The following TANC1 variants were observed in gnomAD, a reference collection of about 807,000 sequenced individuals.
TANC1 encodes the protein tetratricopeptide repeat, ankyrin repeat and coiled-coil containing 1, also known as protein TANC1.
Under a neutral mutation model 149.7 loss-of-function variants are expected in TANC1, and 77 were observed. The ratio of observed to expected loss-of-function variants is 0.51; its 90% CI spans 0.43 to 0.62. The LOEUF is 0.62. Among genes scored for constraint, TANC1 ranks in the 20% least tolerant of loss-of-function variants. The pLI is 0.00. For synonymous variants in TANC1, 854 were observed against 925.0 expected, an observed-to-expected ratio of 0.92 and a Z score of 1.39; for missense variants, 1,985 against 2,321.8, an observed-to-expected ratio of 0.85 and a Z score of 2.98.
chr2:159,032,518 G>T (rs1264858850), intron 2 of TANC1, among the ~76,000 whole-genome samples: 2 of 150,768 alleles, frequency 1.3e-5, no homozygotes, highest in Non-Finnish European at 3.0e-5. Flanking sequence ...CTTTTTTTTT[G>T]GCGTCCTTGC....
At chr2:158,991,623 G>A (rs575261217) in intron 1 of TANC1, among the ~76,000 whole-genome samples, 4 of 152,170 alleles carry the variant, frequency 2.6e-5, no homozygotes, top group Admixed American at 2.0e-4. Context: ...GCGTGGTGGC[G>A]GGGGCCTGTA....
At chr2:159,154,267 T>G (rs1316925317) in intron 7 of TANC1, among the ~76,000 whole-genome samples, 1 of 152,228 alleles carries the variant, frequency 6.6e-6, no homozygotes, top group African/African-American at 2.4e-5. Context: ...TCCTTTAAAA[T>G]TCCTGGACCT....
At chr2:159,222,953 T>C (rs2059794414) in intron 22 of TANC1, among the ~76,000 whole-genome samples, 1 of 152,244 alleles carries the variant, frequency 6.6e-6, no homozygotes, top group African/African-American at 2.4e-5. Context: ...TCACCCAGGC[T>C]GAAGTGCAGT....
chr2:159,053,312 T>G (rs539093294), intron 2 of TANC1, among the ~76,000 whole-genome samples: 1 of 152,112 alleles, frequency 6.6e-6, no homozygotes, highest in South Asian at 2.1e-4. Flanking sequence ...AAAGCTATTG[T>G]CCTTGCCCAT....
intron 2 of TANC1, among the ~76,000 whole-genome samples, chr2:159,059,930 G>GTGTGTGTGTGT (rs3058724): frequency 6.4e-5 from 8 of 125,152 alleles, no homozygotes; most frequent in Middle Eastern, 4.3e-3. Flanking sequence ...GTGTGTGTGT[G>GTGTGTGTGTGT]GTTTTTTGTT....
intron 3 of TANC1, among the ~76,000 whole-genome samples, chr2:159,080,840 C>T (rs2044198263): frequency 6.6e-6 from 1 of 152,224 alleles, no homozygotes; most frequent in Non-Finnish European, 1.5e-5. Context: ...CCTTCCGTGG[C>T]ACTGTGCCCT....
intron 1 of TANC1, among the ~76,000 whole-genome samples, chr2:158,987,263 T>C (rs1438595205): frequency 6.9e-6 from 1 of 145,888 alleles, no homozygotes; most frequent in Non-Finnish European, 1.5e-5. Flanking sequence ...TGGTGGCTCA[T>C]GCCTGTGATC....
chr2:159,011,142 T>G (rs1235794842), intron 2 of TANC1, among the ~76,000 whole-genome samples: 1 of 152,164 alleles, frequency 6.6e-6, no homozygotes, highest in Non-Finnish European at 1.5e-5. Flanking sequence ...CAGGGACAAG[T>G]TCATTTAAGT....
intron 1 of TANC1, among the ~76,000 whole-genome samples, chr2:158,996,807 G>A (rs911831425): frequency 2.6e-5 from 4 of 152,140 alleles, no homozygotes; most frequent in Non-Finnish European, 2.9e-5. Context: ...AAAACAATGC[G>A]TATACCAATA....
rs140815307 is a variant in TANC1, at chr2:159,007,439, C to T, written c.-16+6250C>T. Among the ~76,000 whole-genome samples the T allele has an allele frequency of 7.2e-3, 1,103 of 152,298 alleles. 15 individuals carry two copies. The highest frequency in any genetic ancestry group is 0.041 in the Middle Eastern group (12 of 294). On this transcript the variant is annotated intron_variant, in intron 2 of 26. Transcript: ENST00000263635. Reference sequence around the variant, plus strand: ...GGGATTGCAGGCATGAGCCACCGCACCTGGCCATATGCTGTGTTTTTACTG... The same window carrying T: ...GGGATTGCAGGCATGAGCCACCGCATCTGGCCATATGCTGTGTTTTTACTG...
intron 4 of TANC1, among the ~76,000 whole-genome samples, chr2:159,128,955 C>T (rs1169347155): frequency 6.6e-6 from 1 of 152,168 alleles, no homozygotes; most frequent in African/African-American, 2.4e-5. Context: ...TATTATCTTA[C>T]TCATCTCTTT....
chr2:159,087,189 T>C (rs1276589968), intron 3 of TANC1, among the ~76,000 whole-genome samples: 2 of 152,230 alleles, frequency 1.3e-5, no homozygotes, highest in Non-Finnish European at 2.9e-5. Context: ...AGAGGGGCAG[T>C]TGAGTGAAGT....
At chr2:159,113,187 G>A (rs766599851) in intron 4 of TANC1, among the ~76,000 whole-genome samples, 2 of 152,068 alleles carry the variant, frequency 1.3e-5, no homozygotes, top group Non-Finnish European at 2.9e-5. Context: ...TGAACTCCTG[G>A]ACTTGAGCAA....
At chr2:159,101,762 A>C (rs999576453) in intron 4 of TANC1, among the ~76,000 whole-genome samples, 1 of 152,198 alleles carries the variant, frequency 6.6e-6, no homozygotes, top group Admixed American at 6.5e-5. Flanking sequence ...TACTTTATAA[A>C]GTATCTGCAT....
chr2:159,075,416 C>A (rs11692128), intron 3 of TANC1, among the ~76,000 whole-genome samples: 121 of 143,956 alleles, frequency 8.4e-4, no homozygotes, highest in Middle Eastern at 3.5e-3. Flanking sequence ...AAAAAAAAAA[C>A]AAAAAAAAAA....
intron 3 of TANC1, among the ~76,000 whole-genome samples, chr2:159,093,716 T>C (rs2045788801): frequency 6.6e-6 from 1 of 152,032 alleles, no homozygotes; most frequent in Non-Finnish European, 1.5e-5. Flanking sequence ...GATGGTAAAG[T>C]AAACTTGAAA....
intron 2 of TANC1, among the ~76,000 whole-genome samples, chr2:159,063,947 A>G (rs1333313473): frequency 2.6e-5 from 4 of 152,002 alleles, no homozygotes; most frequent in African/African-American, 9.7e-5. Flanking sequence ...GAGCTTGGTC[A>G]ATGATCCAGG....
chr2:158,983,249 C>T (rs1168629802), intron 1 of TANC1, among the ~76,000 whole-genome samples: 3 of 152,014 alleles, frequency 2.0e-5, no homozygotes, highest in Non-Finnish European at 2.9e-5. Flanking sequence ...GGTTGGATCA[C>T]GAGGTCAGGA....
intron 5 of TANC1, among the ~76,000 whole-genome samples, 196 bp downstream of exon 5, chr2:159,136,494 T>G (rs942009059): frequency 6.6e-6 from 1 of 152,212 alleles, no homozygotes; most frequent in African/African-American, 2.4e-5. Flanking sequence ...GGCGTATAAA[T>G]AGTTAAGTGG....
Sources: gnomAD v4.1 joint callset for allele counts (sites outside exome capture counted in the v4.1 genomes callset) on GRCh38, gnomAD v4.1.1 for gene constraint, MANE v1.5 for transcripts, NCBI Gene and HGNC (gene_info 2026-07-23, HGNC 2026-07-21) for gene names.